The following SLCO6A1 variants were observed in gnomAD, a reference collection of about 807,000 sequenced individuals.
The protein encoded by SLCO6A1 is solute carrier organic anion transporter family member 6A1.
Under a neutral mutation model 72.7 loss-of-function variants are expected in SLCO6A1, and 65 were observed. The observed-to-expected ratio is 0.89, with a 90% CI of 0.73 to 1.10. The LOEUF is 1.10. Among genes scored for constraint, SLCO6A1 ranks in the 50% least tolerant of loss-of-function variants. The probability of loss-of-function intolerance (pLI) is 0.00; values close to 1 mark genes in which losing one functional copy is unlikely to be tolerated. For synonymous variants in SLCO6A1, 314 were observed against 298.2 expected (o/e 1.05, Z -0.55); for missense variants, 874 against 872.6 (o/e 1.00, Z -0.02).
chr5:102,451,390 C>T (rs925611217), intron 6 of SLCO6A1, among the ~76,000 whole-genome samples: 1 of 152,188 alleles, frequency 6.6e-6, no homozygotes, highest in Non-Finnish European at 1.5e-5. Context: ...CTTATCAGCA[C>T]TGTGGATATG....
At chr5:102,462,114 A>G (rs1385133028) in intron 4 of SLCO6A1, among the ~76,000 whole-genome samples, 1 of 152,154 alleles carries the variant, frequency 6.6e-6, no homozygotes, top group African/African-American at 2.4e-5. Context: ...CAAGAACTCA[A>G]TCTCTTTTAC....
rs190800883 is a variant in SLCO6A1, at chr5:102,474,177, T to C, written c.899+1520A>G. Among the ~76,000 whole-genome samples, 61 of 152,076 alleles carry C rather than the reference T, an allele frequency of 4.0e-4. 1 individual carries two copies. The East Asian group carries it at 6.2e-3, about 15-fold the overall frequency. On this transcript the variant is annotated intron_variant, in intron 4 of 13. Transcript: ENST00000506729. ...GCATAACACTTCCTGATTTCAAATA[T>C]ATTGCAAAGCTACAGTCCTCAAAAC...
At chr5:102,375,114 G>A (rs939146967) in intron 12 of SLCO6A1, among the ~76,000 whole-genome samples, 1 of 152,132 alleles carries the variant, frequency 6.6e-6, no homozygotes, top group Admixed American at 6.6e-5. Context: ...GATTCATTTG[G>A]TCTAACAGGG....
chr5:102,468,318 A>G (rs748738664), intron 4 of SLCO6A1, among the ~76,000 whole-genome samples: 5 of 152,078 alleles, frequency 3.3e-5, no homozygotes, highest in Non-Finnish European at 7.4e-5. Context: ...GTTTTGGGGT[A>G]GAATGTTCTG....
At chr5:102,396,242 T>C (rs1025667302) in intron 10 of SLCO6A1, among the ~76,000 whole-genome samples, 1 of 152,212 alleles carries the variant, frequency 6.6e-6, no homozygotes, top group East Asian at 1.9e-4. Flanking sequence ...AGGGATCCAG[T>C]TTCAGCTTTC....
intron 1 of SLCO6A1, among the ~76,000 whole-genome samples, chr5:102,484,629 C>A (rs542786704): frequency 6.6e-6 from 1 of 150,856 alleles, no homozygotes; most frequent in South Asian, 2.1e-4. Flanking sequence ...CCAGCCTGGG[C>A]GACAGAGGGA....
At chr5:102,420,159 A>G in intron 7 of SLCO6A1, 138 bp from the exon 8 acceptor site, 1 of 781,842 alleles carries the variant, frequency 1.3e-6, no homozygotes, top group Non-Finnish European at 1.9e-6. Flanking sequence ...ATGTACAGTT[A>G]TGCTAAATAG....
Position 102,402,810 on chromosome 5 carries a change from CT to C in SLCO6A1, c.1627-3069del, listed in dbSNP as rs533168666. Among the ~76,000 whole-genome samples, 45 of 152,248 alleles carry C rather than the reference CT, an allele frequency of 3.0e-4. 1 individual carries two copies. The East Asian group carries it at 5.6e-3, about 19-fold the overall frequency. ...TCACAATGACATTACATTTCAATGACTTTTTCCTCATTTAAATTGGAACACC... is the reference window on the plus strand; with the variant it reads ...TCACAATGACATTACATTTCAATGACTTTTCCTCATTTAAATTGGAACACC... On this transcript the variant is annotated intron_variant, in intron 9 of 13. Coordinates refer to ENST00000506729, the MANE Select transcript of SLCO6A1 (RefSeq NM_173488.5).
chr5:102,407,238 C>T (rs553663587), intron 9 of SLCO6A1, among the ~76,000 whole-genome samples: 8 of 152,158 alleles, frequency 5.3e-5, no homozygotes, highest in Non-Finnish European at 1.0e-4. Flanking sequence ...GACCCAACAA[C>T]CCAGTTACCC....
chr5:102,373,549 T>C, intron 12 of SLCO6A1, 55 bp from the exon 13 acceptor site: 4 of 1,238,848 alleles, frequency 3.2e-6, no homozygotes, highest in Non-Finnish European at 4.2e-6. Flanking sequence ...AACAAAAATG[T>C]AGGCAAAAAT....
chr5:102,441,503 C>A (rs1157855276), intron 6 of SLCO6A1, among the ~76,000 whole-genome samples: 1 of 152,048 alleles, frequency 6.6e-6, no homozygotes, highest in East Asian at 1.9e-4. Context: ...GGAAATAGGT[C>A]CAGTGCTCTT....
intron 6 of SLCO6A1, among the ~76,000 whole-genome samples, chr5:102,441,938 A>G (rs1749857098): frequency 6.6e-6 from 1 of 151,814 alleles, no homozygotes; most frequent in Admixed American, 6.6e-5. Flanking sequence ...GATTAACTAG[A>G]GAATTACAGC....
intron 6 of SLCO6A1, among the ~76,000 whole-genome samples, chr5:102,452,406 G>A (rs73776939): frequency 6.6e-6 from 1 of 151,790 alleles, no homozygotes; most frequent in Non-Finnish European, 1.5e-5. Flanking sequence ...TATTCTTACA[G>A]CTATAGAGAG....
intron 4 of SLCO6A1, among the ~76,000 whole-genome samples, chr5:102,471,783 T>C (rs532177805): frequency 1.7e-4 from 26 of 152,120 alleles, no homozygotes; most frequent in African/African-American, 5.8e-4. Flanking sequence ...TCACACTAGA[T>C]CATTTGAAGA....
intron 6 of SLCO6A1, among the ~76,000 whole-genome samples, chr5:102,445,256 G>A (rs902437277): frequency 6.6e-6 from 1 of 152,080 alleles, no homozygotes; most frequent in African/African-American, 2.4e-5. Context: ...TTTTAAAATA[G>A]CCATTTTTGC....
intron 4 of SLCO6A1, among the ~76,000 whole-genome samples, chr5:102,462,150 G>A (rs58080162): frequency 0.65 from 98,411 of 151,918 alleles, 32,061 homozygotes; most frequent in African/African-American, 0.67. Context: ...ATAAAATAAA[G>A]TAAAAATACT....
In SLCO6A1 at chr5:102,489,481, T is replaced by G. The variant is rs567419681; in HGVS notation, c.358+9006A>C. On this transcript the variant is annotated intron_variant, in intron 1 of 13. Transcript: ENST00000506729. ...AATAGGCATTTCTCAAAAGAAGACATAAAAATGATCATCAGATCTATTTTT... is the reference window on the plus strand; with the variant it reads ...AATAGGCATTTCTCAAAAGAAGACAGAAAAATGATCATCAGATCTATTTTT... Among the ~76,000 whole-genome samples the G allele has an allele frequency of 4.5e-3, 683 of 152,226 alleles. 6 individuals are homozygous for G. The highest frequency in any genetic ancestry group is 0.015 in the African/African-American group (623 of 41,528).
chr5:102,383,854 C>T (rs1746256927), intron 12 of SLCO6A1, among the ~76,000 whole-genome samples: 3 of 151,808 alleles, frequency 2.0e-5, no homozygotes, highest in African/African-American at 7.2e-5. Flanking sequence ...ATTGCTAATT[C>T]AACTCTTAAT....
chr5:102,427,866 T>A (rs13356257), intron 7 of SLCO6A1, among the ~76,000 whole-genome samples: 7,184 of 61,914 alleles, frequency 0.12, 92 homozygotes, highest in Non-Finnish European at 0.13. Flanking sequence ...ATATATATAT[T>A]TTTTTTTTTT....
Sources: gnomAD v4.1 joint callset for allele counts (sites outside exome capture counted in the v4.1 genomes callset) on GRCh38, gnomAD v4.1.1 for gene constraint, MANE v1.5 for transcripts, NCBI Gene and HGNC (gene_info 2026-07-23, HGNC 2026-07-21) for gene names.